The following TCF20 variants were observed in gnomAD, a reference collection of about 807,000 sequenced individuals.
TCF20 encodes the protein SPRE-binding protein.
Under a neutral mutation model 148.6 loss-of-function variants are expected in TCF20, and 3 were observed. The ratio of observed to expected loss-of-function variants is 0.02; its 90% CI spans 0.01 to 0.05. The LOEUF is 0.05. Among genes scored for constraint, TCF20 ranks in the 10% least tolerant of loss-of-function variants. The pLI is 1.00. For synonymous variants in TCF20, 1,049 were observed against 909.5 expected (o/e 1.15, Z -2.76); for missense variants, 2,350 against 2,429.3 (o/e 0.97, Z 0.69).
At chr22:42,300,028 G>A (rs1480082471) in intron 1 of TCF20, among the ~76,000 whole-genome samples, 1 of 152,114 alleles carries the variant, frequency 6.6e-6, no homozygotes, top group Non-Finnish European at 1.5e-5. Context: ...CAGCCGCAAA[G>A]CAGTCACGTG....
intron 2 of TCF20, among the ~76,000 whole-genome samples, chr22:42,208,472 T>C (rs1938538782): frequency 6.6e-6 from 1 of 151,908 alleles, no homozygotes; most frequent in Non-Finnish European, 1.5e-5. Flanking sequence ...GCAAAAAATA[T>C]AAATATTAGC....
chr22:42,294,905 A>G lies in TCF20; in HGVS notation c.-37+48574T>C, dbSNP rs1291738348. On this transcript the variant is annotated intron_variant, in intron 1 of 1. Transcript: ENST00000515426. ...CCTGGGGGACAGGGATGACCCTCAG[A>G]TAGGATCCAAAGGTGCTTGATGGCT... 2.0e-4 allele frequency among the ~76,000 whole-genome samples: 30 copies of G among 152,184 alleles called. 1 individual carries two copies. Among genetic ancestry groups the G allele is most frequent in the Admixed American group, 2.0e-3 (30 of 15,284 alleles).
chr22:42,237,830 C>T (rs1264936228), intron 1 of TCF20, among the ~76,000 whole-genome samples: 1 of 152,212 alleles, frequency 6.6e-6, no homozygotes, highest in African/African-American at 2.4e-5. Context: ...TAGTAGGTCT[C>T]AACAGTGGCC....
rs534557908 is a variant in TCF20, at chr22:42,330,266, AG to A, written c.-37+13212del. On this transcript the variant is annotated intron_variant, in intron 1 of 1. Coordinates refer to the TCF20 transcript ENST00000515426. ...ATCCTTCCTTCCAGGGCCATAACAAAGGGTCAATGAGAGGGCATCACAGTGA... is the reference window on the plus strand; with the variant it reads ...ATCCTTCCTTCCAGGGCCATAACAAAGGTCAATGAGAGGGCATCACAGTGA... Among the ~76,000 whole-genome samples the A allele has an allele frequency of 4.6e-3, 705 of 152,318 alleles. 10 individuals carry two copies. Among genetic ancestry groups the A allele is most frequent in the African/African-American group, 0.016 (668 of 41,564 alleles).
chr22:42,244,778 A>C (rs770414911), intron 1 of TCF20, among the ~76,000 whole-genome samples: 1 of 152,154 alleles, frequency 6.6e-6, no homozygotes, highest in Admixed American at 6.6e-5. Flanking sequence ...CGTGAATTTC[A>C]TATCAATTTA....
In TCF20 at chr22:42,270,091, G is replaced by T. The variant is rs189701549; in HGVS notation, c.-37+248C>A. The T allele has an allele frequency of 3.0e-3, 453 of 153,036 alleles. 11 individuals are homozygous for T. The highest frequency in any genetic ancestry group is 0.021 in the East Asian group (107 of 5,158). The allele number at this position is 153,036 out of a possible 1,614,324, so 9.5% of individuals were successfully genotyped here. On this transcript the variant is annotated intron_variant, in intron 1 of 5. Transcript: ENST00000677622. ...CAAGCCCCGCCGGAACCCCGGGCCG[G>T]CCCAAGACACCTTAGCCCTCTGATG...
chr22:42,238,046 ACT>A (rs1410770162), intron 1 of TCF20, among the ~76,000 whole-genome samples: 2 of 152,232 alleles, frequency 1.3e-5, no homozygotes, highest in Non-Finnish European at 2.9e-5. Flanking sequence ...GAAGCCAGGC[ACT>A]GACTTCTCCT....
intron 1 of TCF20, among the ~76,000 whole-genome samples, chr22:42,247,750 A>C (rs1308633160): frequency 6.6e-6 from 1 of 152,176 alleles, no homozygotes; most frequent in African/African-American, 2.4e-5. Context: ...TCACGAAGCT[A>C]CAAGAGCTCA....
intron 1 of TCF20, among the ~76,000 whole-genome samples, chr22:42,259,907 G>C (rs558635853): frequency 1.1e-4 from 17 of 152,288 alleles, no homozygotes. Context: ...TTGAAGCCAG[G>C]AGTTCAAGAC....
At chr22:42,169,074 C>A (rs1057438512) in intron 4 of TCF20, among the ~76,000 whole-genome samples, 6 of 151,712 alleles carry the variant, frequency 4.0e-5, no homozygotes, top group Non-Finnish European at 7.4e-5. Context: ...TGGACAACCT[C>A]CTTCTAGTAC....
Position 42,215,292 on chromosome 22 carries a change from C to G in TCF20, c.14G>C (p.Arg5Pro). The part of the protein sequence containing the change: MQSF[R>P]EQSSYHGNQQ... ...GTTTCCGTGGTAACTGCTTTGCTCC[C>G]GAAAGGACTGCATACTGTTCAGCAG... The change falls in exon 2 of 6, where the codon CGG becomes CCG. Residue 5 changes from arginine (R) to proline (P), a missense_variant. By Grantham distance (103) the Arg-to-Pro change is moderately radical. This residue lies in a region of TCF20 where 1,641 missense variants were observed against 1,662.6 expected (regional missense o/e 0.99). Coordinates refer to ENST00000677622, the MANE Select transcript of TCF20 (RefSeq NM_001378418.1). 6.2e-7 allele frequency: 1 copy of G among 1,613,390 alleles called. No individual in the cohort carries two copies. The highest frequency in any genetic ancestry group is 8.5e-7 in the Non-Finnish European group (1 of 1,179,598).
chr22:42,167,288 C>T (rs1443064972), intron 5 of TCF20, among the ~76,000 whole-genome samples: 2 of 152,138 alleles, frequency 1.3e-5, no homozygotes, highest in African/African-American at 2.4e-5. Context: ...GCGTGGCAGC[C>T]GAGGGGCCTT....
At chr22:42,220,873 A>G (rs1352673604) in intron 1 of TCF20, among the ~76,000 whole-genome samples, 1 of 152,104 alleles carries the variant, frequency 6.6e-6, no homozygotes, top group Admixed American at 6.5e-5. Flanking sequence ...TCCAGGAACC[A>G]CTTCATCCTC....
chr22:42,287,456 T>C (rs1339108020), upstream of TCF20, among the ~76,000 whole-genome samples: 1 of 152,224 alleles, frequency 6.6e-6, no homozygotes, highest in Admixed American at 6.5e-5. Flanking sequence ...TTCTAGAGCC[T>C]AGGCTTTTAA....
intron 1 of TCF20, among the ~76,000 whole-genome samples, chr22:42,337,995 C>CA (rs1158023981): frequency 6.6e-6 from 1 of 152,224 alleles, no homozygotes; most frequent in Non-Finnish European, 1.5e-5. Context: ...TTGACGGGCT[C>CA]AGATGGGCCA....
In TCF20 at chr22:42,168,644, C is replaced by T; in HGVS notation, c.*9G>A. 6.3e-7 allele frequency: 1 copy of T among 1,597,604 alleles called. No individual in the cohort carries two copies. On this transcript the variant is annotated 3_prime_UTR_variant, in exon 5 of 6. Coordinates refer to ENST00000677622, the MANE Select transcript of TCF20 (RefSeq NM_001378418.1). ...TGTCCTTTCCATTCCCACGAGCACA[C>T]TGCCCCCCTCACCCCCGCTCCGACT...
At chr22:42,273,093 GC>G (rs1254345860), upstream of TCF20, among the ~76,000 whole-genome samples, 4 of 152,074 alleles carry the variant, frequency 2.6e-5, no homozygotes, top group Admixed American at 6.6e-5. Context: ...AGGCACAGTG[GC>G]TTACGCCTGT....
chr22:42,179,319 A>G (rs1239831790), intron 3 of TCF20, among the ~76,000 whole-genome samples: 1 of 152,040 alleles, frequency 6.6e-6, no homozygotes, highest in Non-Finnish European at 1.5e-5. Context: ...AAGTAACCCA[A>G]ATGTACAGCA....
rs1479539782 is a variant in TCF20, at chr22:42,297,837, G to A, written c.-37+45642C>T. 1.3e-5 allele frequency among the ~76,000 whole-genome samples: 2 copies of A among 152,188 alleles called. No individual in the cohort carries two copies. Among genetic ancestry groups the A allele is most frequent in the Non-Finnish European group, 2.9e-5 (2 of 68,034 alleles). On this transcript the variant is annotated intron_variant, in intron 1 of 1. Transcript: ENST00000515426. The surrounding 1 kb of genome is among the most constrained non-coding windows in gnomAD (Gnocchi z 4.3). ...TTCCTGGCTGATGGTGAGGAGATGAGACCCAGGGTGGAAGGAACACATGGA... is the reference window on the plus strand; with the variant it reads ...TTCCTGGCTGATGGTGAGGAGATGAAACCCAGGGTGGAAGGAACACATGGA...
Sources: gnomAD v4.1 joint callset for allele counts (sites outside exome capture counted in the v4.1 genomes callset) on GRCh38, gnomAD v4.1.1 for gene constraint, gnomAD v4.1.1 regional missense constraint, Gnocchi (gnomAD v3.1) non-coding constraint, MANE v1.5 for transcripts, NCBI Gene and HGNC (gene_info 2026-07-23, HGNC 2026-07-21) for gene names.